HSPA4L: variants seen among roughly 807,000 people sequenced by gnomAD.
HSPA4L encodes heat shock protein family A (Hsp70) member 4 like, also known as heat shock 70 kDa protein 4L.
In HSPA4L, 48 loss-of-function variants were observed where a neutral mutation model predicts 100.3. The ratio of observed to expected loss-of-function variants is 0.48; its 90% CI spans 0.38 to 0.61. The LOEUF (loss-of-function observed/expected upper bound fraction) is 0.61. HSPA4L is among the 20% of genes least tolerant of loss of function. HSPA4L has a pLI of 0.00. For missense variants in HSPA4L, 886 were observed against 988.6 expected (o/e 0.90, Z 1.39); for synonymous variants, 319 against 328.2 (o/e 0.97, Z 0.30).
chr4:127,810,153 A>C (rs963920088), intron 11 of HSPA4L, among the ~76,000 whole-genome samples: 1 of 152,202 alleles, frequency 6.6e-6, no homozygotes, highest in Non-Finnish European at 1.5e-5. Context: ...AAAAAAAGGA[A>C]AGTGAGAATA....
chr4:127,798,607 G>A lies in HSPA4L; in HGVS notation c.327G>A (p.Glu109=), dbSNP rs1387564926. 1.9e-6 allele frequency: 3 copies of A among 1,613,594 alleles called. No individual in the cohort carries two copies. Among genetic ancestry groups the A allele is most frequent in the Admixed American group, 1.7e-5 (1 of 59,998 alleles). ...GTTAGGTGCGGTACTTAGAGGAAGA[G>A]AGACCTTTTGCAATTGAGCAAGTTA... ...AGVKVRYLEE[E]RPFAIEQVTG... The change falls in exon 4 of 19, where the codon GAG becomes GAA. Residue 109 remains glutamate, a synonymous_variant. Coordinates refer to ENST00000296464, the MANE Select transcript of HSPA4L (RefSeq NM_014278.4).
intron 1 of HSPA4L, among the ~76,000 whole-genome samples, chr4:127,793,754 C>T (rs1732940187): frequency 6.6e-6 from 1 of 152,128 alleles, no homozygotes; most frequent in African/African-American, 2.4e-5. Context: ...TAACTGTTTA[C>T]CTTCCCTGAA....
chr4:127,804,049 G>A lies in HSPA4L; in HGVS notation c.947G>A (p.Arg316Lys), dbSNP rs1733275949. 1.2e-6 allele frequency: 2 copies of A among 1,614,026 alleles called. No individual in the cohort carries two copies. The highest frequency in any genetic ancestry group is 1.7e-6 in the Non-Finnish European group (2 of 1,179,980). ...CAACTGTGTGCTTCCCTTTTGGCCA[G>A]GGTTGAACCACCTTTAAAAGCAGTA... Reference protein sequence around the residue: ...FEQLCASLLARVEPPLKAVME... With the variant: ...FEQLCASLLAKVEPPLKAVME... The change falls in exon 8 of 19, where the codon AGG becomes AAG. Residue 316 changes from arginine to lysine, a missense_variant. Coordinates refer to ENST00000296464, the MANE Select transcript of HSPA4L (RefSeq NM_014278.4).
chr4:127,804,006 C>T lies in HSPA4L; in HGVS notation c.909-5C>T, dbSNP rs1733274251. On this transcript the variant is annotated splice_region_variant and splice_polypyrimidine_tract_variant and intron_variant, in intron 7 of 18. Transcript: ENST00000296464. The stretch of plus-strand genomic sequence containing the variant: ...AATAATGAATTTTATTCTATTTTCT[C>T]ACAGGGCTCAATTTGAACAACTGTG... 6.2e-7 allele frequency: 1 copy of T among 1,613,710 alleles called. No homozygotes were observed.
chr4:127,789,447 C>T (rs535513740), intron 1 of HSPA4L, among the ~76,000 whole-genome samples: 1 of 152,096 alleles, frequency 6.6e-6, no homozygotes, highest in Admixed American at 6.5e-5. Flanking sequence ...GAGATCAAGA[C>T]CATCCTGGCT....
At chr4:127,791,865 AGTTTACTT>A in intron 1 of HSPA4L, among the ~76,000 whole-genome samples, 1 of 152,206 alleles carries the variant, frequency 6.6e-6, no homozygotes, top group East Asian at 1.9e-4. Flanking sequence ...TATAGCACCT[AGTTTACTT>A]TCTTTTGTGT....
intron 4 of HSPA4L, among the ~76,000 whole-genome samples, chr4:127,800,483 T>A (rs1255822184): frequency 1.3e-5 from 2 of 152,060 alleles, no homozygotes; most frequent in Admixed American, 6.5e-5. Context: ...GAAAAAAAAA[T>A]TTTGTATACA....
At chr4:127,783,756 T>C (rs935979230) in intron 1 of HSPA4L, 2 of 1,297,514 alleles carry the variant, frequency 1.5e-6, no homozygotes, top group Non-Finnish European at 2.1e-6. Context: ...ACAAGGTCAG[T>C]GTCCAATGGT....
Position 127,801,007 on chromosome 4 carries a change from G to A in HSPA4L, c.430-131G>A, listed in dbSNP as rs1050953758. 2.4e-5 allele frequency: 14 copies of A among 589,066 alleles called. No homozygotes were observed. The Admixed American group carries it at 4.7e-4, about 20-fold the overall frequency. 36.5% of individuals were successfully genotyped at this position (589,066 alleles called of 1,614,324 possible). On this transcript the variant is annotated intron_variant, in intron 4 of 18. Transcript: ENST00000296464. ...GTCAAACTTAAAAAATAAAACACTAGTATTTTTCCTCTTTAGTTAGAACAT... is the reference window on the plus strand; with the variant it reads ...GTCAAACTTAAAAAATAAAACACTAATATTTTTCCTCTTTAGTTAGAACAT...
intron 5 of HSPA4L, 120 bp from the exon 6 acceptor site, chr4:127,801,665 C>A: frequency 1.4e-6 from 1 of 726,676 alleles, no homozygotes; most frequent in Non-Finnish European, 2.0e-6. Flanking sequence ...AGTTCATTTA[C>A]TTTGAAGATA....
Position 127,832,973 on chromosome 4 carries a change from C to A in HSPA4L, c.*99C>A. The A allele has an allele frequency of 1.2e-6, 1 of 827,738 alleles. No individual in the cohort carries two copies. The highest frequency in any genetic ancestry group is 1.8e-6 in the Non-Finnish European group (1 of 559,954). The allele number at this position is 827,738 out of a possible 1,614,324, so 51.3% of individuals were successfully genotyped here. On this transcript the variant is annotated 3_prime_UTR_variant, in exon 19 of 19. Coordinates refer to ENST00000296464, the MANE Select transcript of HSPA4L (RefSeq NM_014278.4). ...ACAACAGACGCTCAGTTGTTCTTAA[C>A]CACTTTTGTCATTTGTTTTTTGGAG...
At chr4:127,824,873 A>T (rs964886863) in intron 16 of HSPA4L, among the ~76,000 whole-genome samples, 1 of 152,238 alleles carries the variant, frequency 6.6e-6, no homozygotes. Flanking sequence ...GCAGTGGCTC[A>T]CGCCTCTAAT....
intron 1 of HSPA4L, among the ~76,000 whole-genome samples, chr4:127,790,503 C>T (rs908073829): frequency 6.6e-6 from 1 of 152,210 alleles, no homozygotes; most frequent in East Asian, 1.9e-4. Flanking sequence ...ATCTAAGCCA[C>T]TGATTCCTGC....
In HSPA4L at chr4:127,831,949, A is replaced by G. The variant is rs186869214; in HGVS notation, c.2329-734A>G. Among the ~76,000 whole-genome samples the G allele has an allele frequency of 2.3e-4, 35 of 152,144 alleles. No individual in the cohort carries two copies. In the Middle Eastern group the frequency reaches 0.024, roughly 103 times the overall value. The stretch of plus-strand genomic sequence containing the variant: ...AAGTTTTGCCAATAAGCTATAATAT[A>G]TATTTTACTCCTAATGAGATGAGAT... On this transcript the variant is annotated intron_variant, in intron 18 of 18. Transcript: ENST00000296464.
Position 127,830,631 on chromosome 4 carries a change from TAAATAGGA to T in HSPA4L, c.2167-6_2168del. 1.3e-6 allele frequency: 2 copies of T among 1,551,632 alleles called. No individual in the cohort carries two copies. Among genetic ancestry groups the T allele is most frequent in the African/African-American group, 1.4e-5 (1 of 71,220 alleles). ...AACATGCAGTCAAGCTTTTTTTTTTTAAATAGGATGAAAGATATGATCATCTGGATCCT... is the reference window on the plus strand; with the variant it reads ...AACATGCAGTCAAGCTTTTTTTTTTTTGAAAGATATGATCATCTGGATCCT... On this transcript the variant is annotated splice_acceptor_variant and splice_polypyrimidine_tract_variant and coding_sequence_variant and intron_variant, in exon 18 of 19. Transcript: ENST00000296464. LOFTEE classifies it high-confidence loss of function.
At chr4:127,812,523 T>C (rs1318572391) in intron 12 of HSPA4L, among the ~76,000 whole-genome samples, 1 of 152,142 alleles carries the variant, frequency 6.6e-6, no homozygotes, top group African/African-American at 2.4e-5. Flanking sequence ...CTTTATCGTA[T>C]TTAATTACAC....
chr4:127,817,525 T>C (rs1246501806), intron 12 of HSPA4L, among the ~76,000 whole-genome samples: 2 of 152,150 alleles, frequency 1.3e-5, no homozygotes, highest in Admixed American at 6.5e-5. Context: ...ACCAAAAAAA[T>C]CTATTATATA....
chr4:127,830,861 C>G, intron 18 of HSPA4L, 62 bp downstream of exon 18: 2 of 991,636 alleles, frequency 2.0e-6, no homozygotes, highest in Non-Finnish European at 2.8e-6. Context: ...TAATGAGAGT[C>G]ATACTTTGGC....
At chr4:127,807,903 C>G (rs939197386) in intron 10 of HSPA4L, 93 bp from the exon 11 acceptor site, 1 of 1,251,368 alleles carries the variant, frequency 8.0e-7, no homozygotes, top group African/African-American at 1.5e-5. Context: ...TTTGCAGTTG[C>G]TGCTAATGAA....
Sources: gnomAD v4.1 joint callset for allele counts (sites outside exome capture counted in the v4.1 genomes callset) on GRCh38, gnomAD v4.1.1 for gene constraint, MANE v1.5 for transcripts, NCBI Gene and HGNC (gene_info 2026-07-23, HGNC 2026-07-21) for gene names.